DOK6: variants seen among roughly 807,000 people sequenced by gnomAD.
DOK6 encodes downstream of tyrosine kinase 6.
DOK6 carries 22 observed loss-of-function variants against 44.0 expected under a neutral mutation model. That is an observed-to-expected ratio of 0.50 (90% CI 0.36 to 0.71). DOK6 has a LOEUF of 0.71. Among genes scored for constraint, DOK6 ranks in the 30% least tolerant of loss-of-function variants. The probability of loss-of-function intolerance (pLI) is 0.00; values close to 1 mark genes in which losing one functional copy is unlikely to be tolerated. For missense variants in DOK6, 340 were observed against 416.4 expected, an observed-to-expected ratio of 0.82 and a Z score of 1.60; for synonymous variants, 166 against 145.5, an observed-to-expected ratio of 1.14 and a Z score of -1.01.
chr18:69,548,969 C>T (rs1469598878), intron 1 of DOK6, among the ~76,000 whole-genome samples: 1 of 150,878 alleles, frequency 6.6e-6, no homozygotes, highest in African/African-American at 2.4e-5. Context: ...GTGGCGGGCG[C>T]CTGTAGTTCC....
intron 3 of DOK6, among the ~76,000 whole-genome samples, chr18:69,612,407 G>GAGGGCGCATGTGTGCA (rs1984167615): frequency 6.8e-6 from 1 of 146,596 alleles, no homozygotes; most frequent in East Asian, 1.9e-4. Flanking sequence ...CTTTGTGTGC[G>GAGGGCGCATGTGTGCA]AGGGCGCATG....
At chr18:69,660,415 C>G (rs756041071) in intron 3 of DOK6, 1 of 152,242 alleles carries the variant, frequency 6.6e-6, no homozygotes, top group Non-Finnish European at 1.5e-5. Context: ...TGAGGCTAAC[C>G]ACTTTCTCTC....
intron 1 of DOK6, among the ~76,000 whole-genome samples, chr18:69,429,167 T>C (rs1465587255): frequency 6.6e-6 from 1 of 152,156 alleles, no homozygotes; most frequent in East Asian, 1.9e-4. Flanking sequence ...GCTTCAAAAA[T>C]TTTGTTGTAA....
chr18:69,491,583 A>G (rs977156055), intron 1 of DOK6, among the ~76,000 whole-genome samples: 4 of 152,210 alleles, frequency 2.6e-5, no homozygotes, highest in African/African-American at 4.8e-5. Flanking sequence ...CCTATGTATG[A>G]TATGAGTCTC....
At chr18:69,439,865 A>G (rs2122439791) in intron 1 of DOK6, among the ~76,000 whole-genome samples, 1 of 152,316 alleles carries the variant, frequency 6.6e-6, no homozygotes, top group East Asian at 1.9e-4. Flanking sequence ...CATTTCCTTC[A>G]AAAAATTTTC....
chr18:69,642,412 T>C (rs184619670), intron 3 of DOK6, among the ~76,000 whole-genome samples: 2 of 152,300 alleles, frequency 1.3e-5, no homozygotes, highest in African/African-American at 4.8e-5. Flanking sequence ...GGTACATGCC[T>C]GTAGTCCCAG....
intron 7 of DOK6, among the ~76,000 whole-genome samples, chr18:69,836,459 A>C (rs890127796): frequency 6.6e-6 from 1 of 152,174 alleles, no homozygotes; most frequent in Non-Finnish European, 1.5e-5. Context: ...ATTTCAGAGT[A>C]TACTTGAACT....
At position 69,433,121 on chromosome 18, in the gene DOK6, CTTGA is replaced by C. The variant is rs1173789136; in HGVS notation, c.66+31815_66+31818del. Among the ~76,000 whole-genome samples the C allele has an allele frequency of 1.1e-4, 16 of 152,122 alleles. 1 individual carries two copies. Among genetic ancestry groups the C allele is most frequent in the Non-Finnish European group, 2.9e-5 (2 of 68,018 alleles). On this transcript the variant is annotated intron_variant, in intron 1 of 7. Transcript: ENST00000382713. ...ACCTTATTTAGTCTTATTTAAAAAG[CTTGA>C]TTGTGTGTTCTAATGCATTTGAATC...
At chr18:69,430,702 C>T (rs982309371) in intron 1 of DOK6, among the ~76,000 whole-genome samples, 9 of 152,112 alleles carry the variant, frequency 5.9e-5, no homozygotes, top group Admixed American at 5.9e-4. Flanking sequence ...CACGGTGGCT[C>T]ATGCCTATAA....
chr18:69,425,103 G>A (rs751111928), intron 1 of DOK6, among the ~76,000 whole-genome samples: 1 of 152,098 alleles, frequency 6.6e-6, no homozygotes, highest in African/African-American at 2.4e-5. Context: ...GTACTATATA[G>A]ATGCCAGGCA....
chr18:69,632,344 A>G (rs892090986), intron 3 of DOK6, among the ~76,000 whole-genome samples: 1 of 152,150 alleles, frequency 6.6e-6, no homozygotes, highest in African/African-American at 2.4e-5. Context: ...TAATATATGT[A>G]GCTCTCCCAT....
intron 5 of DOK6, among the ~76,000 whole-genome samples, chr18:69,732,635 G>C (rs966519310): frequency 9.9e-5 from 15 of 152,130 alleles, no homozygotes; most frequent in African/African-American, 3.6e-4. Context: ...GAAAACTTTG[G>C]AAAGATGTGA....
chr18:69,828,312 C>T (rs1280200000), intron 7 of DOK6, among the ~76,000 whole-genome samples: 4 of 151,824 alleles, frequency 2.6e-5, no homozygotes, highest in Middle Eastern at 3.5e-3. Context: ...TTAGATTATG[C>T]CATTTTAACA....
intron 7 of DOK6, among the ~76,000 whole-genome samples, chr18:69,835,431 C>G (rs913697878): frequency 6.6e-6 from 1 of 151,868 alleles, no homozygotes; most frequent in East Asian, 1.9e-4. Flanking sequence ...CACCACTGCA[C>G]TCCAGCCTGG....
intron 7 of DOK6, among the ~76,000 whole-genome samples, chr18:69,772,488 A>G (rs570354412): frequency 4.2e-4 from 64 of 152,206 alleles, no homozygotes; most frequent in African/African-American, 1.5e-3. Flanking sequence ...TTAAAGCAAT[A>G]TGCTTAAAAC....
Position 69,707,679 on chromosome 18 carries a change from C to T in DOK6, c.599+9086C>T, listed in dbSNP as rs1481854248. On this transcript the variant is annotated intron_variant, in intron 5 of 7. Coordinates refer to ENST00000382713, the MANE Select transcript of DOK6 (RefSeq NM_152721.6). ...CAACTATCCTAGGCAATTAGGACAA[C>T]ACTCACATCAAAAAATAGATGCTTT... is the stretch of plus-strand genomic sequence containing the variant. Among the ~76,000 whole-genome samples the T allele has an allele frequency of 5.3e-5, 8 of 152,198 alleles. No individual in the cohort carries two copies. The South Asian group carries it at 1.2e-3, about 24-fold the overall frequency.
chr18:69,402,006 C>T (rs868107142), intron 1 of DOK6, among the ~76,000 whole-genome samples: 4 of 152,084 alleles, frequency 2.6e-5, no homozygotes, highest in African/African-American at 4.8e-5. Flanking sequence ...CGTGTAGAAC[C>T]CAAGGGTTCA....
intron 3 of DOK6, among the ~76,000 whole-genome samples, chr18:69,632,390 A>T (rs1020961647): frequency 2.0e-5 from 3 of 152,132 alleles, no homozygotes; most frequent in Non-Finnish European, 4.4e-5. Flanking sequence ...CTTATTATTT[A>T]CAATTTTCCA....
intron 7 of DOK6, among the ~76,000 whole-genome samples, chr18:69,801,523 C>T (rs1377316702): frequency 6.6e-6 from 1 of 152,228 alleles, no homozygotes; most frequent in African/African-American, 2.4e-5. Context: ...TTCAATCCAT[C>T]TGTTGCTTTG....
Sources: gnomAD v4.1 joint callset for allele counts (sites outside exome capture counted in the v4.1 genomes callset) on GRCh38, gnomAD v4.1.1 for gene constraint, MANE v1.5 for transcripts, NCBI Gene and HGNC (gene_info 2026-07-23, HGNC 2026-07-21) for gene names.